Variants in OSBPL10 observed in about 807,000 individuals in gnomAD.
The protein encoded by OSBPL10 is oxysterol-binding protein-related protein 10.
In OSBPL10, 49 loss-of-function variants were observed where a neutral mutation model predicts 81.7. The observed-to-expected ratio is 0.60, with a 90% CI of 0.48 to 0.76. The LOEUF (loss-of-function observed/expected upper bound fraction) is 0.76, where lower values mean the gene tolerates loss of function less well. OSBPL10 is among the 30% of genes least tolerant of loss of function. The probability of loss-of-function intolerance (pLI) is 0.00; values close to 1 mark genes in which losing one functional copy is unlikely to be tolerated. For synonymous variants in OSBPL10, 419 were observed against 383.6 expected (o/e 1.09, Z -1.08); for missense variants, 923 against 987.8 (o/e 0.93, Z 0.88).
intron 2 of OSBPL10, among the ~76,000 whole-genome samples, chr3:31,987,071 T>C (rs1287342379): frequency 6.6e-6 from 1 of 151,814 alleles, no homozygotes; most frequent in African/African-American, 2.4e-5. Context: ...TATATATGTG[T>C]ATATATACTT....
intron 4 of OSBPL10, among the ~76,000 whole-genome samples, chr3:31,811,966 C>A (rs1194707664): frequency 6.6e-6 from 1 of 152,186 alleles, no homozygotes; most frequent in South Asian, 2.1e-4. Context: ...GAAGTTACAT[C>A]TGAACCAATA....
intron 6 of OSBPL10, 164 bp downstream of exon 6, chr3:31,733,093 G>A: frequency 1.2e-6 from 1 of 868,214 alleles, no homozygotes. Context: ...CATGAGAAGT[G>A]CCGGGCATGC....
chr3:31,806,273 G>C (rs1412787762), intron 4 of OSBPL10, among the ~76,000 whole-genome samples: 1 of 152,240 alleles, frequency 6.6e-6, no homozygotes, highest in Admixed American at 6.5e-5. Flanking sequence ...GGCTTTGCCA[G>C]AAGTTGAAGT....
At chr3:32,026,049 TAGATAGATGATAGATA>T (rs1473117991) in intron 2 of OSBPL10, among the ~76,000 whole-genome samples, 5 of 118,764 alleles carry the variant, frequency 4.2e-5, no homozygotes, top group African/African-American at 1.8e-4. Flanking sequence ...GATAGATAGA[TAGATAGATGATAGATA>T]GATAGATAGA....
At chr3:31,967,755 G>C (rs1404324512) in intron 1 of OSBPL10, among the ~76,000 whole-genome samples, 1 of 152,122 alleles carries the variant, frequency 6.6e-6, no homozygotes, top group East Asian at 1.9e-4. Context: ...CACACACTCA[G>C]GCAATTTCAT....
intron 3 of OSBPL10, among the ~76,000 whole-genome samples, chr3:31,831,872 G>A (rs1700251578): frequency 6.6e-6 from 1 of 152,170 alleles, no homozygotes; most frequent in Admixed American, 6.5e-5. Flanking sequence ...CCCGTGTCTG[G>A]GAATGTATCC....
chr3:31,705,557 G>C (rs1696037025), intron 6 of OSBPL10, among the ~76,000 whole-genome samples: 1 of 152,216 alleles, frequency 6.6e-6, no homozygotes, highest in Non-Finnish European at 1.5e-5. Flanking sequence ...AGCAGGTCTT[G>C]ATGGAGTTTT....
At chr3:31,852,936 G>A (rs928527885) in intron 3 of OSBPL10, among the ~76,000 whole-genome samples, 2 of 152,120 alleles carry the variant, frequency 1.3e-5, no homozygotes, top group Admixed American at 1.3e-4. Context: ...GGAATTTAAA[G>A]GTTCTATGCT....
intron 1 of OSBPL10, among the ~76,000 whole-genome samples, chr3:31,880,781 C>T (rs774488289): frequency 8.5e-5 from 13 of 152,314 alleles, no homozygotes; most frequent in East Asian, 5.8e-4. Context: ...CAAATTTTGA[C>T]GGTCTACAAA....
intron 1 of OSBPL10, among the ~76,000 whole-genome samples, chr3:31,914,636 C>T (rs1696695947): frequency 6.6e-6 from 1 of 152,164 alleles, no homozygotes; most frequent in Non-Finnish European, 1.5e-5. Flanking sequence ...ATCAAATTTT[C>T]CTAGTTACCG....
At position 31,762,603 on chromosome 3, in the gene OSBPL10, A is replaced by G. The variant is rs1698077362; in HGVS notation, c.730-14483T>C. ...CAGCCTCCTGAGTAGTTGGGACTAC[A>G]GGCCTATGCACAACACCATGCCCAG... On this transcript the variant is annotated intron_variant, in intron 4 of 11. Transcript: ENST00000396556. Among the ~76,000 whole-genome samples the G allele has an allele frequency of 2.1e-5, 3 of 140,874 alleles. No individual in the cohort carries two copies. In the South Asian group the frequency reaches 7.0e-4, roughly 33 times the overall value. The allele number at this position is 140,874 out of a possible 152,430, so 92.4% of individuals were successfully genotyped here. A position where few individuals can be genotyped will look rare whatever the true frequency, so the allele number is the denominator to read the frequency against.
chr3:31,794,918 G>T, intron 4 of OSBPL10: 1 of 360,476 alleles, frequency 2.8e-6, no homozygotes, highest in Non-Finnish European at 5.5e-6. Flanking sequence ...CTCGAGAGAA[G>T]GGGTGCCAGA....
At chr3:31,708,090 A>C (rs983822893) in intron 6 of OSBPL10, among the ~76,000 whole-genome samples, 1 of 152,156 alleles carries the variant, frequency 6.6e-6, no homozygotes. Flanking sequence ...TCAGGTCTTC[A>C]GTTAAAATTT....
chr3:32,058,664 G>A (rs1386989073), intron 1 of OSBPL10, among the ~76,000 whole-genome samples: 2 of 151,510 alleles, frequency 1.3e-5, no homozygotes, highest in East Asian at 3.9e-4. Flanking sequence ...GCATGCTTAT[G>A]AATTGTTGTT....
At chr3:32,074,161 C>T (rs1039646073) in intron 1 of OSBPL10, among the ~76,000 whole-genome samples, 1 of 152,114 alleles carries the variant, frequency 6.6e-6, no homozygotes, top group African/African-American at 2.4e-5. Flanking sequence ...CCTTTAATAG[C>T]CCTCACTTTA....
At chr3:32,016,566 G>A (rs1442047694) in intron 2 of OSBPL10, among the ~76,000 whole-genome samples, 2 of 152,078 alleles carry the variant, frequency 1.3e-5, no homozygotes, top group Non-Finnish European at 2.9e-5. Flanking sequence ...TGTACGTTGT[G>A]CACATGTACC....
chr3:31,836,615 C>T (rs1700362801), intron 3 of OSBPL10, among the ~76,000 whole-genome samples: 1 of 151,316 alleles, frequency 6.6e-6, no homozygotes, highest in Admixed American at 6.6e-5. Context: ...GAATCCCTAG[C>T]CAGTCTCCAG....
intron 7 of OSBPL10, among the ~76,000 whole-genome samples, chr3:31,685,602 C>T (rs762822078): frequency 2.0e-5 from 3 of 152,196 alleles, no homozygotes; most frequent in Non-Finnish European, 4.4e-5. Flanking sequence ...CCTGCTGGGC[C>T]ACGCAGGGAA....
At chr3:31,871,263 G>C (rs1339745253) in intron 3 of OSBPL10, among the ~76,000 whole-genome samples, 1 of 152,068 alleles carries the variant, frequency 6.6e-6, no homozygotes, top group Non-Finnish European at 1.5e-5. Context: ...AAGCCAGCGA[G>C]ACCATGAGCC....
Sources: gnomAD v4.1 joint callset for allele counts (sites outside exome capture counted in the v4.1 genomes callset) on GRCh38, gnomAD v4.1.1 for gene constraint, MANE v1.5 for transcripts, NCBI Gene and HGNC (gene_info 2026-07-23, HGNC 2026-07-21) for gene names.